EXOC5: variants seen among roughly 807,000 people sequenced by gnomAD.
EXOC5 encodes SEC10-like 1.
In EXOC5, 17 loss-of-function variants were observed where a neutral mutation model predicts 90.8. That is an observed-to-expected ratio of 0.19 (90% CI 0.13 to 0.28). The LOEUF (loss-of-function observed/expected upper bound fraction) is 0.28, where lower values mean the gene tolerates loss of function less well. EXOC5 is among the 10% of genes least tolerant of loss of function. The pLI is 1.00. For missense variants in EXOC5, 569 were observed against 830.6 expected (o/e 0.69, Z 3.87); for synonymous variants, 260 against 270.0 (o/e 0.96, Z 0.36).
Position 57,208,274 on chromosome 14 carries a change from G to A in EXOC5, c.*335C>T, listed in dbSNP as rs190368636. ...GGAATATGTTAAAAGTACAAGAACC[G>A]AAAACACTGGTAACATTTCCTTTGC... On this transcript the variant is annotated 3_prime_UTR_variant, in exon 18 of 18. Transcript: ENST00000621441. The A allele has an allele frequency of 6.6e-4, 128 of 193,398 alleles. No individual in the cohort carries two copies. Among genetic ancestry groups the A allele is most frequent in the African/African-American group, 2.4e-3 (106 of 43,274 alleles). 12.0% of individuals were successfully genotyped at this position (193,398 alleles called of 1,614,324 possible). A position where few individuals can be genotyped will look rare whatever the true frequency, so the allele number is the denominator to read the frequency against.
chr14:57,227,113 A>G (rs1050875922), intron 12 of EXOC5, among the ~76,000 whole-genome samples: 3 of 152,228 alleles, frequency 2.0e-5, no homozygotes, highest in Non-Finnish European at 4.4e-5. Flanking sequence ...AAAACACACG[A>G]TTGATTTAAA....
intron 2 of EXOC5, 138 bp from the exon 3 acceptor site, chr14:57,246,996 T>C (rs1884050894): frequency 1.8e-6 from 1 of 546,740 alleles, no homozygotes; most frequent in African/African-American, 2.0e-5. Flanking sequence ...TTCTATAGCA[T>C]CTTGTTAGAA....
At chr14:57,227,229 GA>G (rs1883334219) in intron 12 of EXOC5, among the ~76,000 whole-genome samples, 2 of 152,156 alleles carry the variant, frequency 1.3e-5, no homozygotes, top group South Asian at 4.2e-4. Context: ...TTAGGAAAAT[GA>G]AAACTAAAAC....
chr14:57,250,256 G>A (rs954301906), intron 1 of EXOC5, among the ~76,000 whole-genome samples: 1 of 152,152 alleles, frequency 6.6e-6, no homozygotes, highest in Non-Finnish European at 1.5e-5. Context: ...AGTGAATGCA[G>A]GGGAGAATAA....
intron 17 of EXOC5, among the ~76,000 whole-genome samples, 186 bp from the exon 18 acceptor site, chr14:57,208,983 A>G (rs1229267920): frequency 6.6e-6 from 1 of 152,182 alleles, no homozygotes; most frequent in Non-Finnish European, 1.5e-5. Flanking sequence ...TAAACTTGCT[A>G]TAATATTTCA....
intron 10 of EXOC5, chr14:57,232,418 C>G (rs1883513244): frequency 3.9e-6 from 1 of 259,498 alleles, no homozygotes; most frequent in Non-Finnish European, 7.2e-6. Flanking sequence ...GTTTTGACTG[C>G]AGATAAATGT....
At chr14:57,259,944 T>C (rs1273743651) in intron 1 of EXOC5, among the ~76,000 whole-genome samples, 1 of 152,178 alleles carries the variant, frequency 6.6e-6, no homozygotes, top group Non-Finnish European at 1.5e-5. Context: ...TTGAAAGTCA[T>C]GCTCTTGATC....
chr14:57,231,402 T>C (rs527821678), intron 11 of EXOC5, 104 bp downstream of exon 11: 1 of 729,526 alleles, frequency 1.4e-6, no homozygotes, highest in African/African-American at 1.8e-5. Context: ...AAAGAACTCT[T>C]CACAGAAAAT....
rs145796825 is a variant in EXOC5 at position 57,209,378 on chromosome 14, T to C, written c.1938+189A>G. Among the ~76,000 whole-genome samples the C allele has an allele frequency of 7.7e-3, 1,173 of 151,674 alleles. 20 individuals are homozygous for C. Among genetic ancestry groups the C allele is most frequent in the African/African-American group, 0.026 (1,091 of 41,392 alleles). Reference sequence around the variant, plus strand: ...CTTTGGAAAAAAAATAAATAAAAATTTAAAATTTAAAATAAAAAAAAATAA... The same window carrying C: ...CTTTGGAAAAAAAATAAATAAAAATCTAAAATTTAAAATAAAAAAAAATAA... On this transcript the variant is annotated intron_variant, in intron 17 of 17. Coordinates refer to ENST00000621441, the MANE Select transcript of EXOC5 (RefSeq NM_006544.4).
intron 1 of EXOC5, among the ~76,000 whole-genome samples, chr14:57,252,789 A>G (rs1298339326): frequency 6.6e-6 from 1 of 152,172 alleles, no homozygotes; most frequent in Non-Finnish European, 1.5e-5. Context: ...TACTAAATAT[A>G]TATCCAAAGG....
At position 57,222,294 on chromosome 14, in the gene EXOC5, A is replaced by ACAG; in HGVS notation, c.1405+13_1405+14insCTG. On this transcript the variant is annotated intron_variant, in intron 13 of 17. Coordinates refer to ENST00000621441, the MANE Select transcript of EXOC5 (RefSeq NM_006544.4). Reference sequence around the variant, plus strand: ...CAAAAGAATTTAACACAAGTGTAACACAAATATACTTACCAGCAAGTCCTG... The same window carrying ACAG: ...CAAAAGAATTTAACACAAGTGTAACACAGCAAATATACTTACCAGCAAGTCCTG... 1 of 1,279,458 alleles carries ACAG rather than the reference A, an allele frequency of 7.8e-7. No individual in the cohort carries two copies. The highest frequency in any genetic ancestry group is 1.1e-6 in the Non-Finnish European group (1 of 903,818). The allele number at this position is 1,279,458 out of a possible 1,614,324, so 79.3% of individuals were successfully genotyped here.
intron 1 of EXOC5, among the ~76,000 whole-genome samples, chr14:57,256,011 C>CTG (rs1392008949): frequency 6.6e-6 from 1 of 152,128 alleles, no homozygotes; most frequent in Non-Finnish European, 1.5e-5. Flanking sequence ...CTTGGGATCC[C>CTG]TGTAACTCTA....
intron 7 of EXOC5, among the ~76,000 whole-genome samples, chr14:57,234,449 T>C (rs1003101724): frequency 6.0e-5 from 9 of 150,470 alleles, no homozygotes; most frequent in Admixed American, 5.3e-4. Flanking sequence ...TTTACATATA[T>C]ATATGTATGT....
chr14:57,220,650 A>G (rs60330327), intron 13 of EXOC5, among the ~76,000 whole-genome samples: 1,565 of 152,158 alleles, frequency 0.01, 28 homozygotes, highest in African/African-American at 0.036. Flanking sequence ...AAAAGAAAAA[A>G]TTAGCTAGGT....
In EXOC5 at chr14:57,244,327, C is replaced by T. The variant is rs1236614142; in HGVS notation, c.303G>A (p.Glu101=). 6.2e-7 allele frequency: 1 copy of T among 1,613,646 alleles called. No homozygotes were observed. Among genetic ancestry groups the T allele is most frequent in the Non-Finnish European group, 8.5e-7 (1 of 1,179,784 alleles). The part of the protein sequence containing the change: ...VAFQHFQELD[E]HISYVATKVC... ...CTTTAGTTGCTACATAGCTAATGTGCTCATCTAGTTCTTGGAAATGTTGGA... is the reference window on the plus strand; with the variant it reads ...CTTTAGTTGCTACATAGCTAATGTGTTCATCTAGTTCTTGGAAATGTTGGA... The change falls in exon 4 of 18, where the codon GAG becomes GAA. Residue 101 remains glutamate (E), a synonymous_variant. Coordinates refer to ENST00000621441, the MANE Select transcript of EXOC5 (RefSeq NM_006544.4).
Position 57,257,499 on chromosome 14 carries a change from G to C in EXOC5, c.28-9787C>G, listed in dbSNP as rs368780942. ...AAGGCATGCCAAGATTTGGAGATAA[G>C]AGCAGGAAAACAATCCAACAAAAGA... On this transcript the variant is annotated intron_variant, in intron 1 of 17. Coordinates refer to ENST00000621441, the MANE Select transcript of EXOC5 (RefSeq NM_006544.4). 7.2e-5 allele frequency among the ~76,000 whole-genome samples: 11 copies of C among 152,228 alleles called. No individual in the cohort carries two copies. In the East Asian group the frequency reaches 2.1e-3, roughly 29 times the overall value.
At chr14:57,222,463 G>C in intron 12 of EXOC5, 47 bp from the exon 13 acceptor site, 1 of 1,085,258 alleles carries the variant, frequency 9.2e-7, no homozygotes, top group Non-Finnish European at 1.4e-6. Flanking sequence ...TCTACCTTTT[G>C]AAAATGCCAA....
At chr14:57,241,687 A>T (rs1348200902) in intron 4 of EXOC5, among the ~76,000 whole-genome samples, 33 of 152,228 alleles carry the variant, frequency 2.2e-4, no homozygotes. Context: ...AAAACATACT[A>T]CAACAATAAG....
intron 1 of EXOC5, among the ~76,000 whole-genome samples, chr14:57,258,419 CCAT>C (rs1459809317): frequency 1.3e-5 from 2 of 152,100 alleles, no homozygotes; most frequent in Non-Finnish European, 2.9e-5. Context: ...AAACTGGAAA[CCAT>C]CATTCTCAGC....
Sources: gnomAD v4.1 joint callset for allele counts (sites outside exome capture counted in the v4.1 genomes callset) on GRCh38, gnomAD v4.1.1 for gene constraint, MANE v1.5 for transcripts, NCBI Gene and HGNC (gene_info 2026-07-23, HGNC 2026-07-21) for gene names.